Variants in ATXN7L2 observed in about 807,000 individuals in gnomAD.
ATXN7L2 encodes the protein ataxin-7-like protein 2.
In ATXN7L2, 17 loss-of-function variants were observed where a neutral mutation model predicts 59.6. The ratio of observed to expected loss-of-function variants is 0.29; its 90% CI spans 0.20 to 0.43. The LOEUF is 0.43. Among genes scored for constraint, ATXN7L2 ranks in the 20% least tolerant of loss-of-function variants. The pLI is 1.00. For synonymous variants in ATXN7L2, 378 were observed against 392.5 expected, an observed-to-expected ratio of 0.96 and a Z score of 0.44; for missense variants, 858 against 1,008.9, an observed-to-expected ratio of 0.85 and a Z score of 2.03.
chr1:109,484,634 C>G (rs781421404), intron 1 of ATXN7L2, among the ~76,000 whole-genome samples: 5 of 152,206 alleles, frequency 3.3e-5, no homozygotes, highest in Non-Finnish European at 7.3e-5. Flanking sequence ...TGCCTCCAAC[C>G]CACTGTCCTT....
rs1261900383 is a variant in ATXN7L2 at position 109,486,467 on chromosome 1, G to C, written c.194-39G>C. ...CTCCGATCTTCCAGAGAAACCCTGG[G>C]ATCTTCAGCCCCAGTGACATGGGCT... On this transcript the variant is annotated intron_variant, in intron 2 of 10. Coordinates refer to ENST00000683729, the MANE Select transcript of ATXN7L2 (RefSeq NM_001350175.2). This position sits in a 1 kb window ranked among gnomAD's most constrained non-coding sequence, Gnocchi z 4.3. 6.4e-7 allele frequency: 1 copy of C among 1,551,094 alleles called. No individual in the cohort carries two copies. The highest frequency in any genetic ancestry group is 1.7e-5 in the Admixed American group (1 of 58,618).
Position 109,487,506 on chromosome 1 carries a change from C to G in ATXN7L2, c.510-12C>G. 1 of 1,488,410 alleles carries G rather than the reference C, an allele frequency of 6.7e-7. No individual in the cohort carries two copies. Among genetic ancestry groups the G allele is most frequent in the Non-Finnish European group, 8.9e-7 (1 of 1,120,984 alleles). 92.2% of individuals were successfully genotyped at this position (1,488,410 alleles called of 1,614,324 possible). ...TCCCCTCCCTCAGCCAACCCCCTCT[C>G]TCTGTGTGTAGCCTTTTCGTGCCTG... On this transcript the variant is annotated splice_polypyrimidine_tract_variant and intron_variant, in intron 4 of 10. Coordinates refer to ENST00000683729, the MANE Select transcript of ATXN7L2 (RefSeq NM_001350175.2).
chr1:109,491,300 C>T lies in ATXN7L2; in HGVS notation c.1833C>T (p.Thr611=). The T allele has an allele frequency of 6.2e-7, 1 of 1,614,262 alleles. No homozygotes were observed. Among genetic ancestry groups the T allele is most frequent in the East Asian group, 2.2e-5 (1 of 44,890 alleles). The stretch of plus-strand genomic sequence containing the variant: ...AGCGGAAGTTATCCCCTGGCCCTAC[C>T]ACTCTTAAACGGACCTGCATCCTGG... ...SRKRKLSPGP[T]TLKRTCILEP... Residue 611 remains threonine, a synonymous_variant, in exon 10 of 11, where the codon ACC becomes ACT. Transcript: ENST00000683729. This position sits in a 1 kb window ranked among gnomAD's most constrained non-coding sequence, Gnocchi z 4.1.
Position 109,489,923 on chromosome 1 carries a change from CT to C in ATXN7L2, c.1134-5del. On this transcript the variant is annotated splice_region_variant and splice_polypyrimidine_tract_variant and intron_variant, in intron 7 of 10. Transcript: ENST00000683729. ...CATTCCCCTGGCATCCCTTTTGGCC[CT>C]TCCAGGTCCCGGGCCTCCTCCGAGA... 6.2e-7 allele frequency: 1 copy of C among 1,613,208 alleles called. No individual in the cohort carries two copies. Among genetic ancestry groups the C allele is most frequent in the African/African-American group, 1.3e-5 (1 of 75,006 alleles).
intron 1 of ATXN7L2, among the ~76,000 whole-genome samples, chr1:109,484,371 C>T (rs1246935832): frequency 6.6e-6 from 1 of 152,092 alleles, no homozygotes; most frequent in Non-Finnish European, 1.5e-5. Context: ...CCTGCTGCCC[C>T]TCAGCTCGCG....
Position 109,491,056 on chromosome 1 carries a change from T to C in ATXN7L2, c.1589T>C (p.Met530Thr), listed in dbSNP as rs771328343. 6.2e-7 allele frequency: 1 copy of C among 1,613,684 alleles called. No individual in the cohort carries two copies. The highest frequency in any genetic ancestry group is 8.5e-7 in the Non-Finnish European group (1 of 1,179,994). The stretch of plus-strand genomic sequence containing the variant: ...CTGAGACCTGCCTGCCCAGCCTCCA[T>C]GCCCCCCACCAAGGACAACCTTGTC... ...PTLRPACPAS[M>T]PPTKDNLVPS... The change falls in exon 10 of 11, where the codon ATG (methionine) becomes ACG (threonine). Residue 530 changes from methionine (M) to threonine (T), a missense_variant. Coordinates refer to ENST00000683729, the MANE Select transcript of ATXN7L2 (RefSeq NM_001350175.2). This position sits in a 1 kb window ranked among gnomAD's most constrained non-coding sequence, Gnocchi z 4.1.
In ATXN7L2 at chr1:109,484,133, C is replaced by G. The variant is rs557996994; in HGVS notation, c.127+53C>G. 1.5e-4 allele frequency: 210 copies of G among 1,368,364 alleles called. 1 individual carries two copies. The highest frequency in any genetic ancestry group is 1.5e-3 in the Middle Eastern group (7 of 4,708). 84.8% of individuals were successfully genotyped at this position (1,368,364 alleles called of 1,614,324 possible). ...GACCCCATCACTATCTCCCCTCCCC[C>G]CTTCCGGGCCCCCGCCAGCTGAGGG... is the stretch of plus-strand genomic sequence containing the variant. On this transcript the variant is annotated intron_variant, in intron 1 of 10. Transcript: ENST00000683729.
At chr1:109,487,251 C>A in intron 4 of ATXN7L2, 34 bp downstream of exon 4, 1 of 1,459,738 alleles carries the variant, frequency 6.9e-7, no homozygotes. Flanking sequence ...TAAGACTGGC[C>A]CTGACCCTGA....
intron 8 of ATXN7L2, 58 bp from the exon 9 acceptor site, chr1:109,490,213 C>T: frequency 1.9e-6 from 3 of 1,597,246 alleles, no homozygotes; most frequent in Non-Finnish European, 1.7e-6. Flanking sequence ...ATCCTGTGTG[C>T]AGATGCTGTC....
At position 109,484,349 on chromosome 1, in the gene ATXN7L2, T is replaced by C. The variant is rs572229177; in HGVS notation, c.127+269T>C. Among the ~76,000 whole-genome samples the C allele has an allele frequency of 3.5e-4, 53 of 152,076 alleles. 2 individuals carry two copies. In the South Asian group the frequency reaches 0.011, roughly 31 times the overall value. The stretch of plus-strand genomic sequence containing the variant: ...CTGCCCCCATATAGGCTTGCCTTTA[T>C]CTTTCTCCTTGCCTGCTGCCCCTCA... On this transcript the variant is annotated intron_variant, in intron 1 of 10. Transcript: ENST00000683729.
In ATXN7L2 at chr1:109,492,639, C is replaced by T; in HGVS notation, c.*39C>T. 1 of 1,611,514 alleles carries T rather than the reference C, an allele frequency of 6.2e-7. No homozygotes were observed. The highest frequency in any genetic ancestry group is 8.5e-7 in the Non-Finnish European group (1 of 1,179,040). ...GCCCACTGCAACGGAGCCGCCAGCA[C>T]CTCCTCCCCTCCAGATCCGGGCCCC... On this transcript the variant is annotated 3_prime_UTR_variant, in exon 11 of 11. Coordinates refer to ENST00000683729, the MANE Select transcript of ATXN7L2 (RefSeq NM_001350175.2).
Position 109,490,087 on chromosome 1 carries a change from CCT to C in ATXN7L2, c.1292_1293del (p.Pro431ArgfsTer30). 6.3e-7 allele frequency: 1 copy of C among 1,594,502 alleles called. No homozygotes were observed. Among genetic ancestry groups the C allele is most frequent in the Non-Finnish European group, 8.5e-7 (1 of 1,169,862 alleles). Reference protein sequence around the residue: ...EGTSDDLHPPPDCHYATRPPR... With the variant: ...EGTSDDLHPPXDCHYATRPPR... ...GACATCTGACGACCTCCACCCACCC[CCT>C]GACTGCCATTATGCAACCCGGCCCC... On this transcript the variant is annotated frameshift_variant, in exon 8 of 11. Coordinates refer to ENST00000683729, the MANE Select transcript of ATXN7L2 (RefSeq NM_001350175.2). LOFTEE classifies it high-confidence loss of function.
Position 109,490,005 on chromosome 1 carries a change from C to T in ATXN7L2, c.1209C>T (p.Pro403=), listed in dbSNP as rs769571017. The T allele has an allele frequency of 1.9e-6, 3 of 1,613,428 alleles. No individual in the cohort carries two copies. The highest frequency in any genetic ancestry group is 2.5e-6 in the Non-Finnish European group (3 of 1,179,768). ...GTGATGGGGACCCAGGCCTGTTCCC[C>T]TTCCCCATGCCCCGGGGTGGGACCC... is the stretch of plus-strand genomic sequence containing the variant. ...CGGDGDPGLF[P]FPMPRGGTQA... Residue 403 remains proline (P), a synonymous_variant, in exon 8 of 11, where the codon CCC becomes CCT. Coordinates refer to ENST00000683729, the MANE Select transcript of ATXN7L2 (RefSeq NM_001350175.2).
chr1:109,486,862 CAG>C lies in ATXN7L2; in HGVS notation c.299-143_299-142del. ...TCTTGAATTTTGAGTCCTAAAGGCT[CAG>C]ATTCAAATGGGAAGGAGGCATGTTT... On this transcript the variant is annotated intron_variant, in intron 3 of 10. Transcript: ENST00000683729. This position sits in a 1 kb window ranked among gnomAD's most constrained non-coding sequence, Gnocchi z 4.3. 1.2e-6 allele frequency: 1 copy of C among 852,124 alleles called. No homozygotes were observed. 52.8% of individuals were successfully genotyped at this position (852,124 alleles called of 1,614,324 possible). A position where few individuals can be genotyped will look rare whatever the true frequency, so the allele number is the denominator to read the frequency against.
At position 109,484,053 on chromosome 1, in the gene ATXN7L2, G is replaced by A. The variant is rs767799921; in HGVS notation, c.100G>A (p.Glu34Lys). 5.9e-5 allele frequency: 89 copies of A among 1,516,624 alleles called. No individual in the cohort carries two copies. Among genetic ancestry groups the A allele is most frequent in the Non-Finnish European group, 7.4e-5 (84 of 1,129,478 alleles). 93.9% of individuals were successfully genotyped at this position (1,516,624 alleles called of 1,614,324 possible). Residue 34 changes from glutamate (E) to lysine (K), a missense_variant, in exon 1 of 11, where the codon GAG becomes AAG. Coordinates refer to ENST00000683729, the MANE Select transcript of ATXN7L2 (RefSeq NM_001350175.2). ...FAGQSWSSWVERADLPAADGA... is the reference protein window; with the variant it reads ...FAGQSWSSWVKRADLPAADGA... ...GGGACAGAGCTGGAGCTCGTGGGTG[G>A]AGCGGGCCGACCTGCCCGCGGCTGA...
Position 109,486,937 on chromosome 1 carries a change from C to A in ATXN7L2, c.299-70C>A. 7.5e-7 allele frequency: 1 copy of A among 1,328,718 alleles called. No individual in the cohort carries two copies. The highest frequency in any genetic ancestry group is 1.0e-6 in the Non-Finnish European group (1 of 975,286). The allele number at this position is 1,328,718 out of a possible 1,614,324, so 82.3% of individuals were successfully genotyped here. ...AGATTCTCTCATGTGAGTCTATGGA[C>A]ATGGTTAGGTTGGGGAAGGAAGTGG... On this transcript the variant is annotated intron_variant, in intron 3 of 10. Transcript: ENST00000683729. The surrounding 1 kb of genome is among the most constrained non-coding windows in gnomAD (Gnocchi z 4.3).
Position 109,491,565 on chromosome 1 carries a change from G to A in ATXN7L2, c.2098G>A (p.Val700Met), listed in dbSNP as rs775977123. 7 of 1,613,840 alleles carry A rather than the reference G, an allele frequency of 4.3e-6. No homozygotes were observed. The Admixed American group carries it at 5.0e-5, about 12-fold the overall frequency. The change falls in exon 10 of 11, where the codon GTG becomes ATG. Residue 700 changes from valine (V) to methionine (M), a missense_variant. Around this residue, in one of 3 missense-constraint regions of ATXN7L2, gnomAD observed 734 missense variants for 862.3 expected, o/e 0.85. Transcript: ENST00000683729. This position sits in a 1 kb window ranked among gnomAD's most constrained non-coding sequence, Gnocchi z 4.1. The stretch of plus-strand genomic sequence containing the variant: ...AACCAACTGCCTCTCTGAGGAGGAG[G>A]TGGCCAAGAAGCGGAAAAACCTGGC... ...LPTNCLSEEE[V>M]AKKRKNLATY...
chr1:109,487,426 G>A, intron 4 of ATXN7L2, 92 bp from the exon 5 acceptor site: 1 of 1,327,984 alleles, frequency 7.5e-7, no homozygotes, highest in Non-Finnish European at 9.9e-7. Flanking sequence ...CAAATTCCAG[G>A]GCTGGGAAAG....
In ATXN7L2 at chr1:109,486,315, A is replaced by T. The variant is rs1460000593; in HGVS notation, c.194-191A>T. The T allele has an allele frequency of 1.0e-6, 1 of 1,001,626 alleles. No homozygotes were observed. Among genetic ancestry groups the T allele is most frequent in the Admixed American group, 3.1e-5 (1 of 32,660 alleles). 62.0% of individuals were successfully genotyped at this position (1,001,626 alleles called of 1,614,324 possible). ...AGATCATAATCATAGGTGATTGCCC[A>T]CTCACCTGAAAGCGTATACCCTTTG... On this transcript the variant is annotated intron_variant, in intron 2 of 10. Transcript: ENST00000683729. This position sits in a 1 kb window ranked among gnomAD's most constrained non-coding sequence, Gnocchi z 4.3.
Sources: gnomAD v4.1 joint callset for allele counts (sites outside exome capture counted in the v4.1 genomes callset) on GRCh38, gnomAD v4.1.1 for gene constraint, gnomAD v4.1.1 regional missense constraint, Gnocchi (gnomAD v3.1) non-coding constraint, MANE v1.5 for transcripts, NCBI Gene and HGNC (gene_info 2026-07-23, HGNC 2026-07-21) for gene names.